Variants in PLXDC1 observed in about 807,000 individuals in gnomAD.
PLXDC1 encodes the protein plexin domain-containing protein 1.
A neutral mutation model predicts 61.3 loss-of-function variants in PLXDC1; 39 were observed. That is an observed-to-expected ratio of 0.64 (90% confidence interval 0.49 to 0.83). The LOEUF (loss-of-function observed/expected upper bound fraction) is 0.83. Among genes scored for constraint, PLXDC1 ranks in the 40% least tolerant of loss-of-function variants. The pLI, the probability that PLXDC1 is intolerant of heterozygous loss-of-function variation, is 0.00. For missense variants in PLXDC1, 596 were observed against 666.5 expected (o/e 0.89, Z 1.17); for synonymous variants, 212 against 254.5 (o/e 0.83, Z 1.59).
intron 7 of PLXDC1, among the ~76,000 whole-genome samples, chr17:39,087,922 T>A (rs2067623023): frequency 1.3e-5 from 2 of 152,220 alleles, no homozygotes; most frequent in African/African-American, 4.8e-5. Context: ...CGCAGAGACC[T>A]GGCTGCTCTT....
chr17:39,087,784 T>C (rs1437743379), intron 7 of PLXDC1, 82 bp from the exon 8 acceptor site: 6 of 971,932 alleles, frequency 6.2e-6, no homozygotes, highest in Non-Finnish European at 9.6e-6. Context: ...GTCTGACAGG[T>C]CAGCCTGCTG....
At chr17:39,113,849 C>CAAA (rs11448352) in intron 2 of PLXDC1, among the ~76,000 whole-genome samples, 14 of 143,806 alleles carry the variant, frequency 9.7e-5, no homozygotes, top group African/African-American at 3.4e-4. Context: ...GACTCTGTCT[C>CAAA]AAAAAAAAAA....
intron 5 of PLXDC1, chr17:39,107,873 A>C: frequency 3.5e-6 from 2 of 577,950 alleles, no homozygotes; most frequent in Non-Finnish European, 6.2e-6. Context: ...GTAACAATAA[A>C]GGCCCCTAAC....
intron 5 of PLXDC1, 97 bp downstream of exon 5, chr17:39,108,026 G>C: frequency 1.3e-6 from 2 of 1,498,512 alleles, no homozygotes; most frequent in Non-Finnish European, 1.9e-6. Context: ...CCGTGGGACT[G>C]TGGGACCCTT....
intron 7 of PLXDC1, among the ~76,000 whole-genome samples, chr17:39,090,031 T>G (rs1448422665): frequency 6.6e-6 from 1 of 152,080 alleles, no homozygotes; most frequent in African/African-American, 2.4e-5. Flanking sequence ...ACTCCTGACC[T>G]CAGGTGATAT....
intron 9 of PLXDC1, among the ~76,000 whole-genome samples, chr17:39,082,947 A>G (rs1196088939): frequency 6.6e-6 from 1 of 152,248 alleles, no homozygotes; most frequent in East Asian, 1.9e-4. Flanking sequence ...GGATGCCTGT[A>G]GTCCACACCC....
At chr17:39,093,311 A>G (rs1910024247) in intron 7 of PLXDC1, among the ~76,000 whole-genome samples, 1 of 152,022 alleles carries the variant, frequency 6.6e-6, no homozygotes, top group South Asian at 2.1e-4. Context: ...GCCTCAAGCA[A>G]TCCTCCCGCC....
In PLXDC1 at chr17:39,128,067, G is replaced by GTCTC. The variant is rs376740692; in HGVS notation, c.255+11583_255+11586dup. Among the ~76,000 whole-genome samples, 7 of 78,548 alleles carry GTCTC rather than the reference G, an allele frequency of 8.9e-5. 1 individual carries two copies. Among genetic ancestry groups the GTCTC allele is most frequent in the Non-Finnish European group, 1.2e-4 (5 of 40,672 alleles). 51.5% of individuals were successfully genotyped at this position (78,548 alleles called of 152,430 possible). ...CAGCTCTCTCTCTCTCTCTCTCTCT[G>GTCTC]TCTCTCTCTCTCTCTCTCTCTCTCT... On this transcript the variant is annotated intron_variant, in intron 2 of 13. Transcript: ENST00000315392.
At chr17:39,097,330 G>C (rs574759666) in intron 7 of PLXDC1, among the ~76,000 whole-genome samples, 1 of 152,338 alleles carries the variant, frequency 6.6e-6, no homozygotes, top group East Asian at 1.9e-4. Context: ...CTGCAGACCA[G>C]ATGGCTCTTC....
chr17:39,101,774 G>GCAAATCAGATGCA (rs1486244961), intron 7 of PLXDC1, among the ~76,000 whole-genome samples: 3 of 152,120 alleles, frequency 2.0e-5, no homozygotes, highest in Non-Finnish European at 2.9e-5. Flanking sequence ...CTCCTTTCTA[G>GCAAATCAGATGCA]TAGCATATGC....
intron 11 of PLXDC1, among the ~76,000 whole-genome samples, chr17:39,074,063 C>A (rs1161669332): frequency 2.0e-5 from 3 of 152,070 alleles, no homozygotes; most frequent in Non-Finnish European, 2.9e-5. Flanking sequence ...AGAGCCTGTA[C>A]CCTCATAGAA....
intron 7 of PLXDC1, among the ~76,000 whole-genome samples, chr17:39,104,830 C>T (rs1381627481): frequency 2.6e-5 from 4 of 152,118 alleles, no homozygotes; most frequent in Admixed American, 6.5e-5. Context: ...AGGGCAGATG[C>T]CCTTCCTCTT....
At chr17:39,081,043 C>T (rs145502060) in intron 9 of PLXDC1, 2,267 of 152,900 alleles carry the variant, frequency 0.015, 33 homozygotes, top group Non-Finnish European at 0.022. Context: ...CTGAGGCCAT[C>T]TCTCCATTGC....
intron 1 of PLXDC1, among the ~76,000 whole-genome samples, chr17:39,147,496 G>C (rs1386252393): frequency 6.6e-6 from 1 of 152,144 alleles, no homozygotes; most frequent in Non-Finnish European, 1.5e-5. Flanking sequence ...AGGGGCCAGG[G>C]AAGGCTCCAA....
chr17:39,106,021 G>A, intron 6 of PLXDC1, 68 bp from the exon 7 acceptor site: 1 of 1,052,474 alleles, frequency 9.5e-7, no homozygotes, highest in East Asian at 2.4e-5. Flanking sequence ...CCTCCCCTGT[G>A]AGCTCCAGAC....
intron 7 of PLXDC1, among the ~76,000 whole-genome samples, chr17:39,093,215 C>T (rs1172580001): frequency 6.6e-6 from 1 of 152,102 alleles, no homozygotes; most frequent in African/African-American, 2.4e-5. Flanking sequence ...CCTCCCCCAC[C>T]AAAGGCTCAT....
intron 6 of PLXDC1, 82 bp downstream of exon 6, chr17:39,107,325 G>A (rs1910630608): frequency 3.6e-6 from 3 of 832,504 alleles, no homozygotes; most frequent in Non-Finnish European, 5.9e-6. Flanking sequence ...CCCCATGCCT[G>A]GCACATTGCA....
chr17:39,078,270 C>T (rs758313304), intron 10 of PLXDC1, among the ~76,000 whole-genome samples: 1 of 152,174 alleles, frequency 6.6e-6, no homozygotes, highest in Non-Finnish European at 1.5e-5. Context: ...AAAGCCCAGA[C>T]TCAGACTAAT....
intron 1 of PLXDC1, among the ~76,000 whole-genome samples, chr17:39,147,856 C>G (rs946857409): frequency 6.6e-6 from 1 of 152,104 alleles, no homozygotes; most frequent in Non-Finnish European, 1.5e-5. Context: ...GACACAAGCC[C>G]TGTACCCAGG....
Sources: gnomAD v4.1 joint callset for allele counts (sites outside exome capture counted in the v4.1 genomes callset) on GRCh38, gnomAD v4.1.1 for gene constraint, MANE v1.5 for transcripts, NCBI Gene and HGNC (gene_info 2026-07-23, HGNC 2026-07-21) for gene names.